The following MTRFR variants were observed in gnomAD, a reference collection of about 807,000 sequenced individuals.
MTRFR encodes the protein probable peptide chain release factor C12orf65, mitochondrial.
MTRFR carries 10 observed loss-of-function variants against 11.9 expected under a neutral mutation model. The observed-to-expected ratio is 0.84, with a 90% CI of 0.52 to 1.42. MTRFR has a LOEUF of 1.42. Among genes scored for constraint, MTRFR ranks in the 40% most tolerant of loss-of-function variants. The pLI is 0.00. For synonymous variants in MTRFR, 77 were observed against 79.1 expected, an observed-to-expected ratio of 0.97 and a Z score of 0.14; for missense variants, 196 against 197.9, an observed-to-expected ratio of 0.99 and a Z score of 0.06.
At position 123,253,633 on chromosome 12, in the gene MTRFR, T is replaced by C. The variant is rs2048142381; in HGVS notation, c.-28-14T>C. On this transcript the variant is annotated splice_polypyrimidine_tract_variant and intron_variant, in intron 1 of 2. Transcript: ENST00000253233. Reference sequence around the variant, plus strand: ...TGCCTCTTACTGAAAGCTCTCCTTATTCATCTAACCCAGGTCCTCAGCCAG... The same window carrying C: ...TGCCTCTTACTGAAAGCTCTCCTTACTCATCTAACCCAGGTCCTCAGCCAG... 6.2e-7 allele frequency: 1 copy of C among 1,613,470 alleles called. No homozygotes were observed. Among genetic ancestry groups the C allele is most frequent in the Non-Finnish European group, 8.5e-7 (1 of 1,179,692 alleles).
intron 1 of MTRFR, among the ~76,000 whole-genome samples, chr12:123,246,397 C>T (rs1296331314): frequency 6.6e-6 from 1 of 152,100 alleles, no homozygotes; most frequent in Admixed American, 6.6e-5. Context: ...ACTGCTCATT[C>T]AGGAGCAGGT....
intron 1 of MTRFR, among the ~76,000 whole-genome samples, chr12:123,242,489 C>T (rs2047956174): frequency 6.6e-6 from 1 of 152,064 alleles, no homozygotes; most frequent in Non-Finnish European, 1.5e-5. Flanking sequence ...ATTTTTTTGG[C>T]CTTTGGGGAA....
At chr12:123,253,595 T>A (rs2138792180) in intron 1 of MTRFR, 52 bp from the exon 2 acceptor site, 1 of 1,556,948 alleles carries the variant, frequency 6.4e-7, no homozygotes, top group African/African-American at 1.4e-5. Context: ...TGAAGCATAA[T>A]CTTGAGGGCA....
intron 1 of MTRFR, among the ~76,000 whole-genome samples, chr12:123,246,141 T>C (rs2048036559): frequency 6.6e-6 from 1 of 152,100 alleles, no homozygotes; most frequent in East Asian, 1.9e-4. Context: ...CACTGCAACC[T>C]CCGCCTCCCA....
chr12:123,254,944 AAAAG>A (rs1312125749), intron 2 of MTRFR: 1 of 152,078 alleles, frequency 6.6e-6, no homozygotes, highest in Non-Finnish European at 1.5e-5. Context: ...AAAAAAAAAA[AAAAG>A]AAGGTTGGTC....
intron 1 of MTRFR, among the ~76,000 whole-genome samples, chr12:123,244,965 A>G (rs1344855076): frequency 9.6e-5 from 6 of 62,496 alleles, no homozygotes; most frequent in Non-Finnish European, 1.6e-4. Context: ...TTTTTTAGAC[A>G]GAGTCTTACT....
intron 1 of MTRFR, chr12:123,250,928 C>A (rs994835879): frequency 6.6e-6 from 1 of 152,110 alleles, no homozygotes; most frequent in African/African-American, 2.4e-5. Context: ...TGTCTTCCTG[C>A]CAGGGTGCAT....
At chr12:123,242,277 A>G (rs950453740) in intron 1 of MTRFR, among the ~76,000 whole-genome samples, 2 of 152,198 alleles carry the variant, frequency 1.3e-5, no homozygotes, top group Admixed American at 6.5e-5. Flanking sequence ...GTAGAGCGCC[A>G]GCCCTACGCC....
chr12:123,249,882 C>A (rs928940748), intron 1 of MTRFR: 2 of 152,238 alleles, frequency 1.3e-5, no homozygotes, highest in Non-Finnish European at 2.9e-5. Flanking sequence ...CAATGGATTT[C>A]TCAGGTGTTC....
Position 123,253,727 on chromosome 12 carries a change from C to T in MTRFR, c.53C>T (p.Pro18Leu), listed in dbSNP as rs930288422. The T allele has an allele frequency of 3.7e-6, 6 of 1,614,016 alleles. No individual in the cohort carries two copies. The highest frequency in any genetic ancestry group is 1.6e-4 in the Middle Eastern group (1 of 6,084). ...CCTACACCACTGACCCGAATATGCC[C>T]GGCGCCATGGGGACTCCGGCTTTGG... ...HFPTPLTRIC[P>L]APWGLRLWEK... Residue 18 changes from proline to leucine, a missense_variant, in exon 2 of 3, where the codon CCG becomes CTG. Pro to Leu is a moderately conservative substitution (Grantham distance 98). Transcript: ENST00000253233.
intron 1 of MTRFR, among the ~76,000 whole-genome samples, chr12:123,252,908 G>A (rs2048131442): frequency 6.6e-6 from 1 of 152,070 alleles, no homozygotes; most frequent in South Asian, 2.1e-4. Flanking sequence ...CTGGGCGACA[G>A]AGCGAGATTC....
intron 1 of MTRFR, among the ~76,000 whole-genome samples, chr12:123,244,969 T>G (rs1262850685): frequency 9.1e-6 from 1 of 109,394 alleles, no homozygotes; most frequent in Non-Finnish European, 1.8e-5. Flanking sequence ...TTAGACAGAG[T>G]CTTACTCTTG....
In MTRFR at chr12:123,253,878, CGGTCCAGGGGGCCA is replaced by C. The variant is rs1380513950; in HGVS notation, c.207_220del (p.Pro70AsnfsTer28). On this transcript the variant is annotated frameshift_variant, in exon 2 of 3. Coordinates refer to ENST00000253233, the MANE Select transcript of MTRFR (RefSeq NM_152269.5). LOFTEE classifies it high-confidence loss of function. The stretch of plus-strand genomic sequence containing the variant: ...TCGAAGAGCAGTTTGTGAAAGGACA[CGGTCCAGGGGGCCA>C]GGCAACCAACAAAACCAGCAACTGC... 2 of 1,614,212 alleles carry C rather than the reference CGGTCCAGGGGGCCA, an allele frequency of 1.2e-6. No homozygotes were observed. The highest frequency in any genetic ancestry group is 1.7e-5 in the Admixed American group (1 of 60,022).
At chr12:123,254,539 G>T (rs2048160860) in intron 2 of MTRFR, 1 of 155,572 alleles carries the variant, frequency 6.4e-6, no homozygotes, top group South Asian at 2.0e-4. Context: ...AGAGAGGACT[G>T]AGGGCGAGAT....
At chr12:123,256,450 T>C (rs967675973) in intron 2 of MTRFR, among the ~76,000 whole-genome samples, 1 of 152,220 alleles carries the variant, frequency 6.6e-6, no homozygotes, top group Non-Finnish European at 1.5e-5. Context: ...ATAAGGGGCT[T>C]TGCCATCCAG....
chr12:123,250,551 CTT>C (rs1005209640), intron 1 of MTRFR: 2 of 152,180 alleles, frequency 1.3e-5, no homozygotes, highest in African/African-American at 4.8e-5. Flanking sequence ...GGGGTGTTCT[CTT>C]CATGTAGTAC....
rs1050767913 is a variant in MTRFR, at chr12:123,233,485, T to C, written c.-75T>C. On this transcript the variant is annotated 5_prime_UTR_variant, in exon 1 of 3. Coordinates refer to ENST00000253233, the MANE Select transcript of MTRFR (RefSeq NM_152269.5). ...TTGCGAATCCTCCGCTGAGGTGATT[T>C]GGATATCCCTAGAACGTTGAGGGCA... is the stretch of plus-strand genomic sequence containing the variant. 6.6e-6 allele frequency: 1 copy of C among 152,270 alleles called. No individual in the cohort carries two copies. The allele number at this position is 152,270 out of a possible 1,614,324, so 9.4% of individuals were successfully genotyped here. A position where few individuals can be genotyped will look rare whatever the true frequency, so the allele number is the denominator to read the frequency against.
At chr12:123,234,230 G>C (rs1000452532) in intron 1 of MTRFR, among the ~76,000 whole-genome samples, 2 of 152,134 alleles carry the variant, frequency 1.3e-5, no homozygotes, top group Non-Finnish European at 2.9e-5. Flanking sequence ...TTTACCTCCA[G>C]GAGTTCTGGC....
Position 123,257,016 on chromosome 12 carries a change from T to G in MTRFR, c.486T>G (p.Ser162Arg), listed in dbSNP as rs371852394. The G allele has an allele frequency of 5.6e-6, 9 of 1,611,782 alleles. No homozygotes were observed. The highest frequency in any genetic ancestry group is 1.8e-4 in the Middle Eastern group (1 of 5,462). ...TACTTAAAGAACTGTGGGAGTCAAG[T>G]AAAAAGGTCCACTGAGAAAAGAATT... ...KKLLKELWES[S>R]KKVH The change falls in exon 3 of 3, where the codon AGT becomes AGG. Residue 162 changes from serine (S) to arginine (R), a missense_variant. Physicochemically the swap from Ser to Arg is moderately radical, Grantham distance 110. Coordinates refer to ENST00000253233, the MANE Select transcript of MTRFR (RefSeq NM_152269.5).
Sources: gnomAD v4.1 joint callset for allele counts (sites outside exome capture counted in the v4.1 genomes callset) on GRCh38, gnomAD v4.1.1 for gene constraint, MANE v1.5 for transcripts, NCBI Gene and HGNC (gene_info 2026-07-23, HGNC 2026-07-21) for gene names.